Variants in PCDHGB1 observed in about 807,000 individuals in gnomAD.
The protein encoded by PCDHGB1 is protocadherin gamma-B1.
A neutral mutation model predicts 56.6 loss-of-function variants in PCDHGB1; 34 were observed. The observed-to-expected ratio is 0.60, with a 90% CI of 0.46 to 0.80. PCDHGB1 has a LOEUF of 0.80. Ranked by LOEUF, PCDHGB1 falls within the 30% of genes least tolerant of loss-of-function variation. The pLI is 0.00. For missense variants in PCDHGB1, 1,278 were observed against 1,204.6 expected, an observed-to-expected ratio of 1.06 and a Z score of -0.90; for synonymous variants, 561 against 505.9, an observed-to-expected ratio of 1.11 and a Z score of -1.46.
intron 3 of PCDHGB1, 61 bp downstream of exon 3, chr5:141,505,542 A>G (rs2099846540): frequency 6.2e-7 from 1 of 1,604,832 alleles, no homozygotes; most frequent in African/African-American, 1.3e-5. Context: ...GGTGCATCTC[A>G]CAGCCACCAT....
intron 1 of PCDHGB1, chr5:141,397,890 A>G: frequency 3.2e-6 from 2 of 628,782 alleles, no homozygotes; most frequent in Non-Finnish European, 5.3e-6. Context: ...GCTGTTGGCC[A>G]AAGTGCAGAG....
In PCDHGB1 at chr5:141,493,577, T is replaced by C. The variant is rs2099749081; in HGVS notation, c.2410-1230T>C. On this transcript the variant is annotated intron_variant, in intron 1 of 3. Coordinates refer to ENST00000523390, the MANE Select transcript of PCDHGB1 (RefSeq NM_018922.3). This position sits in a 1 kb window ranked among gnomAD's most constrained non-coding sequence, Gnocchi z 4.3. ...GAGTTCCCCCAGCTCCGTTTCCTCC[T>C]ATCACAATCACTGCATTTCCATGTA... Among the ~76,000 whole-genome samples, 2 of 152,208 alleles carry C rather than the reference T, an allele frequency of 1.3e-5. No homozygotes were observed. The highest frequency in any genetic ancestry group is 1.3e-4 in the Admixed American group (2 of 15,280).
In PCDHGB1 at chr5:141,511,149, G is replaced by T; in HGVS notation, c.2760G>T (p.Lys920Asn). The change falls in exon 4 of 4, where the codon AAG becomes AAT. Residue 920 changes from lysine to asparagine, a missense_variant. By Grantham distance (94) the Lys-to-Asn change is moderately conservative. Transcript: ENST00000523390. ...APAGGNGNKKKSGKKEKK is the reference protein window; with the variant it reads ...APAGGNGNKKNSGKKEKK The stretch of plus-strand genomic sequence containing the variant: ...CAGGTGGCAATGGCAACAAGAAGAA[G>T]TCGGGCAAGAAGGAGAAGAAGTAAC... 1 of 1,614,176 alleles carries T rather than the reference G, an allele frequency of 6.2e-7. No homozygotes were observed. The highest frequency in any genetic ancestry group is 8.5e-7 in the Non-Finnish European group (1 of 1,179,998).
At chr5:141,478,567 C>A in intron 1 of PCDHGB1, 1 of 1,593,812 alleles carries the variant, frequency 6.3e-7, no homozygotes, top group Non-Finnish European at 8.6e-7. Flanking sequence ...GCAAGTCATG[C>A]TTGACCCTGT....
At chr5:141,397,110 C>T (rs561188757) in intron 1 of PCDHGB1, among the ~76,000 whole-genome samples, 1 of 152,324 alleles carries the variant, frequency 6.6e-6, no homozygotes, top group African/African-American at 2.4e-5. Context: ...ATGCAATCCA[C>T]TAGAATATCC....
intron 1 of PCDHGB1, chr5:141,360,538 C>T: frequency 1.9e-6 from 3 of 1,613,954 alleles, no homozygotes; most frequent in Non-Finnish European, 2.5e-6. Context: ...GCTATTCAAA[C>T]AGACTAAGAT....
chr5:141,427,854 TGC>T (rs2097079964), intron 1 of PCDHGB1: 1 of 1,553,594 alleles, frequency 6.4e-7, no homozygotes, highest in Non-Finnish European at 8.8e-7. Context: ...CGAGCAGCTG[TGC>T]GCCTTCGAGC....
At chr5:141,462,539 T>G (rs2099042077) in intron 1 of PCDHGB1, among the ~76,000 whole-genome samples, 1 of 152,184 alleles carries the variant, frequency 6.6e-6, no homozygotes, top group African/African-American at 2.4e-5. Flanking sequence ...TTCAGTGATC[T>G]TTTCTTCTTC....
chr5:141,376,836 G>T, intron 1 of PCDHGB1: 1 of 252,676 alleles, frequency 4.0e-6, no homozygotes, highest in Admixed American at 5.1e-5. Context: ...ACAGGCGCCC[G>T]CCACCGCGCC....
At chr5:141,371,734 A>T in intron 1 of PCDHGB1, 1 of 1,614,042 alleles carries the variant, frequency 6.2e-7, no homozygotes, top group Non-Finnish European at 8.5e-7. Flanking sequence ...GATGTCAACG[A>T]CAACGTTCCC....
At chr5:141,407,961 A>C in intron 1 of PCDHGB1, 1 of 672,320 alleles carries the variant, frequency 1.5e-6, no homozygotes, top group Non-Finnish European at 2.4e-6. Context: ...AGTGCAGAGC[A>C]AGCGCTGACG....
chr5:141,389,177 C>T, intron 1 of PCDHGB1: 1 of 1,614,052 alleles, frequency 6.2e-7, no homozygotes. Context: ...CTCCCCTCTC[C>T]TCCAGTTCCA....
chr5:141,357,577 A>G (rs1202708968), intron 1 of PCDHGB1: 6 of 1,614,078 alleles, frequency 3.7e-6, no homozygotes, highest in Non-Finnish European at 5.1e-6. Flanking sequence ...GCCTCTTCTG[A>G]TAACTCAGGA....
rs764070772 is a variant in PCDHGB1, at chr5:141,476,415, C to T, written c.2410-18392C>T. ...CTGGATCGAGAGGAGCTGTGTGGGACACTGCCCTCTTGCACTGTAACTCTG... is the reference window on the plus strand; with the variant it reads ...CTGGATCGAGAGGAGCTGTGTGGGATACTGCCCTCTTGCACTGTAACTCTG... On this transcript the variant is annotated intron_variant, in intron 1 of 3. Transcript: ENST00000523390. This position sits in a 1 kb window ranked among gnomAD's most constrained non-coding sequence, Gnocchi z 7.6. 2.5e-6 allele frequency: 4 copies of T among 1,614,098 alleles called. No homozygotes were observed. The South Asian group carries it at 4.4e-5, about 18-fold the overall frequency.
intron 1 of PCDHGB1, chr5:141,395,051 A>G: frequency 6.2e-7 from 1 of 1,614,178 alleles, no homozygotes; most frequent in Non-Finnish European, 8.5e-7. Flanking sequence ...TTGAGGAGGT[A>G]CAGGCTTTCC....
intron 1 of PCDHGB1, chr5:141,399,995 G>T (rs1042095164): frequency 1.9e-6 from 3 of 1,612,094 alleles, no homozygotes; most frequent in Non-Finnish European, 2.5e-6. Context: ...GGAGAGGTGC[G>T]CACAGCGCGT....
chr5:141,388,395 C>T (rs1445370262), intron 1 of PCDHGB1: 10 of 1,613,928 alleles, frequency 6.2e-6, no homozygotes, highest in Middle Eastern at 1.6e-4. Flanking sequence ...GCAGAATTAC[C>T]AACTCAGTCC....
rs1485167379 is a variant in PCDHGB1, at chr5:141,485,881, C to T, written c.2410-8926C>T. 5.0e-6 allele frequency: 8 copies of T among 1,613,984 alleles called. No homozygotes were observed. Among genetic ancestry groups the T allele is most frequent in the East Asian group, 2.2e-5 (1 of 44,880 alleles). On this transcript the variant is annotated intron_variant, in intron 1 of 3. Transcript: ENST00000523390. The surrounding 1 kb of genome is among the most constrained non-coding windows in gnomAD (Gnocchi z 5.7). ...TCCGGGTATCCGTGCTGGACGTAAACGACAACGCCCCAGCCTTCCAGCAAT... is the reference window on the plus strand; with the variant it reads ...TCCGGGTATCCGTGCTGGACGTAAATGACAACGCCCCAGCCTTCCAGCAAT...
rs532725430 is a variant in PCDHGB1, at chr5:141,429,107, G to A, written c.2410-65700G>A. On this transcript the variant is annotated intron_variant, in intron 1 of 3. Transcript: ENST00000523390. ...CTGACCTCGTGATCTGCCCGCCTCG[G>A]CCTCCCAAAGTGCTGGGATTATAGG... The A allele has an allele frequency of 3.8e-3, 579 of 152,026 alleles. 5 individuals are homozygous for A. Among genetic ancestry groups the A allele is most frequent in the Admixed American group, 0.011 (166 of 15,232 alleles). The allele number at this position is 152,026 out of a possible 1,614,324, so 9.4% of individuals were successfully genotyped here. A position where few individuals can be genotyped will look rare whatever the true frequency, so the allele number is the denominator to read the frequency against.
Sources: allele counts gnomAD v4.1 joint callset (sites outside exome capture counted in the v4.1 genomes callset), GRCh38; gene constraint gnomAD v4.1.1; non-coding constraint Gnocchi (gnomAD v3.1); transcripts MANE v1.5; gene names NCBI Gene and HGNC (gene_info 2026-07-23, HGNC 2026-07-21).